DPYSL3: variants seen among roughly 807,000 people sequenced by gnomAD.
The protein encoded by DPYSL3 is dihydropyrimidinase like 3, also known as dihydropyrimidinase-related protein 3.
DPYSL3 carries 16 observed loss-of-function variants against 66.1 expected under a neutral mutation model. The ratio of observed to expected loss-of-function variants is 0.24; its 90% CI spans 0.16 to 0.37. DPYSL3 has a LOEUF of 0.37. Among genes scored for constraint, DPYSL3 ranks in the 10% least tolerant of loss-of-function variants. DPYSL3 has a pLI of 1.00. For synonymous variants in DPYSL3, 338 were observed against 345.1 expected (o/e 0.98, Z 0.23); for missense variants, 738 against 916.2 (o/e 0.81, Z 2.51).
At chr5:147,467,773 A>G (rs1009589982) in intron 1 of DPYSL3, among the ~76,000 whole-genome samples, 1 of 152,212 alleles carries the variant, frequency 6.6e-6, no homozygotes, top group South Asian at 2.1e-4. Flanking sequence ...ATAACAAAAT[A>G]TCTTAGACTG....
At position 147,422,835 on chromosome 5, in the gene DPYSL3, C is replaced by T. The variant is rs182695995; in HGVS notation, c.470+2040G>A. Among the ~76,000 whole-genome samples the T allele has an allele frequency of 1.1e-4, 17 of 151,698 alleles. No homozygotes were observed. The East Asian group carries it at 3.1e-3, about 28-fold the overall frequency. ...CATATGGGCACGGGGAGGCGAACAT[C>T]AAACACCAGGGCCTGTTGGGGGTGG... is the stretch of plus-strand genomic sequence containing the variant. On this transcript the variant is annotated intron_variant, in intron 2 of 13. Coordinates refer to ENST00000343218, the MANE Select transcript of DPYSL3 (RefSeq NM_001197294.2).
intron 13 of DPYSL3, among the ~76,000 whole-genome samples, chr5:147,395,292 C>G (rs909759088): frequency 6.6e-6 from 1 of 152,182 alleles, no homozygotes; most frequent in Admixed American, 6.5e-5. Flanking sequence ...CCGACCCTGC[C>G]CCCAACCAGG....
intron 1 of DPYSL3, among the ~76,000 whole-genome samples, chr5:147,499,192 G>A (rs1753566243): frequency 6.6e-6 from 1 of 152,150 alleles, no homozygotes; most frequent in African/African-American, 2.4e-5. Flanking sequence ...GATGTGGAGA[G>A]AAGAAACAAA....
Position 147,393,940 on chromosome 5 carries a change from G to T in DPYSL3, c.*95C>A. ...CTTATTGATTCTTTAGATCACAACC[G>T]TTTGGATTCGCTTTCCTTCTTAAAT... is the stretch of plus-strand genomic sequence containing the variant. On this transcript the variant is annotated 3_prime_UTR_variant, in exon 14 of 14. Transcript: ENST00000343218. 1 of 1,269,178 alleles carries T rather than the reference G, an allele frequency of 7.9e-7. No homozygotes were observed. Among genetic ancestry groups the T allele is most frequent in the Non-Finnish European group, 1.1e-6 (1 of 879,598 alleles). The allele number at this position is 1,269,178 out of a possible 1,614,324, so 78.6% of individuals were successfully genotyped here. A position where few individuals can be genotyped will look rare whatever the true frequency, so the allele number is the denominator to read the frequency against.
chr5:147,444,762 C>G (rs188208631), intron 1 of DPYSL3, among the ~76,000 whole-genome samples: 13 of 152,140 alleles, frequency 8.5e-5, no homozygotes, highest in African/African-American at 3.1e-4. Flanking sequence ...AAGAATAGCT[C>G]CAAATGTAGC....
At chr5:147,485,641 G>A (rs374179762) in intron 1 of DPYSL3, among the ~76,000 whole-genome samples, 2 of 152,008 alleles carry the variant, frequency 1.3e-5, no homozygotes, top group Non-Finnish European at 2.9e-5. Flanking sequence ...CATCAAATAC[G>A]CTGAGCACAA....
chr5:147,453,465 C>T (rs1752778260), intron 1 of DPYSL3: 4 of 1,464,372 alleles, frequency 2.7e-6, no homozygotes, highest in Non-Finnish European at 1.8e-6. Context: ...CCAGAGAAGC[C>T]GGCGGGATCC....
chr5:147,439,633 C>T (rs577818080), intron 1 of DPYSL3, among the ~76,000 whole-genome samples: 11 of 152,072 alleles, frequency 7.2e-5, no homozygotes, highest in African/African-American at 2.4e-4. Context: ...GAATAGAGAA[C>T]GAATTTAGGG....
chr5:147,500,274 T>C (rs1479022609), intron 1 of DPYSL3, among the ~76,000 whole-genome samples: 3 of 152,172 alleles, frequency 2.0e-5, no homozygotes, highest in Non-Finnish European at 2.9e-5. Context: ...GCAAAATACA[T>C]ATCTGATAAA....
intron 1 of DPYSL3, among the ~76,000 whole-genome samples, chr5:147,494,833 C>T (rs181736235): frequency 3.2e-4 from 48 of 150,372 alleles, no homozygotes; most frequent in Admixed American, 1.2e-3. Context: ...GAGCCGAGAT[C>T]GCGCCACTGC....
chr5:147,441,299 G>T (rs1388290922), intron 1 of DPYSL3, among the ~76,000 whole-genome samples: 1 of 151,450 alleles, frequency 6.6e-6, no homozygotes, highest in Admixed American at 6.6e-5. Context: ...AGCAGGCTTG[G>T]TTTCTTCTGA....
At chr5:147,425,418 C>T (rs1752177109) in intron 1 of DPYSL3, among the ~76,000 whole-genome samples, 3 of 152,154 alleles carry the variant, frequency 2.0e-5, no homozygotes, top group Admixed American at 1.3e-4. Context: ...GAAGTATTTG[C>T]AATTACACGA....
chr5:147,405,102 T>G (rs181047997), intron 8 of DPYSL3, among the ~76,000 whole-genome samples: 7 of 152,310 alleles, frequency 4.6e-5, no homozygotes, highest in Admixed American at 4.6e-4. Flanking sequence ...CTGTTCATAC[T>G]GAACATAAAC....
intron 1 of DPYSL3, among the ~76,000 whole-genome samples, chr5:147,429,565 T>G (rs187223564): frequency 2.0e-5 from 3 of 152,308 alleles, no homozygotes; most frequent in Admixed American, 1.3e-4. Context: ...TATAATACTT[T>G]GAATGTTTTT....
chr5:147,397,614 G>A lies in DPYSL3; in HGVS notation c.1803+52C>T, dbSNP rs114275423. 6,113 of 1,563,986 alleles carry A rather than the reference G, an allele frequency of 3.9e-3. 199 individuals carry two copies. In the African/African-American group the frequency reaches 0.07, roughly 18 times the overall value. ...GTGTTCATGGTTACTATCTCTGAGC[G>A]TGAGTGGAACACAAAGCTCCTGCAC... On this transcript the variant is annotated intron_variant, in intron 12 of 13. Transcript: ENST00000343218.
chr5:147,478,556 C>A (rs1399606834), intron 1 of DPYSL3, among the ~76,000 whole-genome samples: 2 of 152,186 alleles, frequency 1.3e-5, no homozygotes, highest in Non-Finnish European at 2.9e-5. Flanking sequence ...GTCCTCTCTG[C>A]CTTTGACTTT....
chr5:147,453,970 T>C (rs1752797897), intron 1 of DPYSL3: 1 of 239,794 alleles, frequency 4.2e-6, no homozygotes, highest in Non-Finnish European at 7.9e-6. Flanking sequence ...TCACCCACTT[T>C]TTCTTTTTCT....
chr5:147,464,460 C>A (rs998848492), intron 1 of DPYSL3, among the ~76,000 whole-genome samples: 1 of 152,146 alleles, frequency 6.6e-6, no homozygotes, highest in African/African-American at 2.4e-5. Context: ...CTGTGTACTT[C>A]GGGCTCATGG....
intron 1 of DPYSL3, among the ~76,000 whole-genome samples, chr5:147,433,893 G>A (rs1020244987): frequency 7.9e-5 from 12 of 152,168 alleles, no homozygotes; most frequent in Admixed American, 2.6e-4. Flanking sequence ...TTAACTGGGC[G>A]TGGTGGCATC....
Sources: allele counts gnomAD v4.1 joint callset (sites outside exome capture counted in the v4.1 genomes callset), GRCh38; gene constraint gnomAD v4.1.1; transcripts MANE v1.5; gene names NCBI Gene and HGNC (gene_info 2026-07-23, HGNC 2026-07-21).